The following CACNA1A variants were observed in gnomAD, a reference collection of about 807,000 sequenced individuals.
The protein encoded by CACNA1A is voltage-dependent P/Q-type calcium channel subunit alpha-1A.
Under a neutral mutation model 262.4 loss-of-function variants are expected in CACNA1A, and 57 were observed. The ratio of observed to expected loss-of-function variants is 0.22; its 90% CI spans 0.18 to 0.27. The LOEUF (loss-of-function observed/expected upper bound fraction) is 0.27. Among genes scored for constraint, CACNA1A ranks in the 10% least tolerant of loss-of-function variants. The probability of loss-of-function intolerance (pLI) is 1.00; values close to 1 mark genes in which losing one functional copy is unlikely to be tolerated. For synonymous variants in CACNA1A, 1,431 were observed against 1,419.3 expected (o/e 1.01, Z -0.18); for missense variants, 2,526 against 3,562.8 (o/e 0.71, Z 7.41).
At chr19:13,487,393 G>A (rs1167609181) in intron 1 of CACNA1A, among the ~76,000 whole-genome samples, 2 of 152,082 alleles carry the variant, frequency 1.3e-5, no homozygotes, top group Non-Finnish European at 2.9e-5. Context: ...CCTGGATGGC[G>A]AGAGGTTGTC....
chr19:13,309,281 T>G (rs2057969362), intron 12 of CACNA1A, among the ~76,000 whole-genome samples: 1 of 152,116 alleles, frequency 6.6e-6, no homozygotes. Flanking sequence ...GTGCTGGGAT[T>G]ACAGGCGTGA....
In CACNA1A at chr19:13,277,059, C is replaced by T. The variant is rs183712582; in HGVS notation, c.3882+10G>A. The T allele has an allele frequency of 1.3e-6, 2 of 1,597,116 alleles. No individual in the cohort carries two copies. Among genetic ancestry groups the T allele is most frequent in the African/African-American group, 1.3e-5 (1 of 74,720 alleles). ...ATTACCGTGTGTTCTCACTTATAATCTGCACTCACCTTGATCACCATCTCA... is the reference window on the plus strand; with the variant it reads ...ATTACCGTGTGTTCTCACTTATAATTTGCACTCACCTTGATCACCATCTCA... On this transcript the variant is annotated intron_variant, in intron 23 of 46. Transcript: ENST00000360228.
At chr19:13,473,754 C>A (rs1029363960) in intron 1 of CACNA1A, among the ~76,000 whole-genome samples, 13 of 68,988 alleles carry the variant, frequency 1.9e-4, no homozygotes, top group South Asian at 6.4e-4. Context: ...GGCTCCCCCC[C>A]ACCCCCCTGC....
intron 3 of CACNA1A, among the ~76,000 whole-genome samples, chr19:13,449,024 T>C (rs960554920): frequency 5.3e-5 from 8 of 152,088 alleles, no homozygotes; most frequent in Non-Finnish European, 1.0e-4. Flanking sequence ...TGGAGTGCAG[T>C]GGTGCAATCA....
chr19:13,229,933 C>G, intron 36 of CACNA1A, 149 bp downstream of exon 36: 1 of 875,338 alleles, frequency 1.1e-6, no homozygotes, highest in Non-Finnish European at 1.7e-6. Context: ...GGTGATGATT[C>G]TTATATCTTC....
intron 36 of CACNA1A, among the ~76,000 whole-genome samples, chr19:13,229,407 A>C (rs2055586889): frequency 6.6e-6 from 1 of 152,106 alleles, no homozygotes; most frequent in Admixed American, 6.6e-5. Flanking sequence ...AAAGCCTCTG[A>C]GTGTCCTTCA....
At chr19:13,393,500 C>T (rs1211097764) in intron 3 of CACNA1A, among the ~76,000 whole-genome samples, 1 of 112,564 alleles carries the variant, frequency 8.9e-6, no homozygotes, top group East Asian at 2.8e-4. Context: ...TTTTTCCTTC[C>T]TTCCTTTCCT....
Position 13,460,781 on chromosome 19 carries a change from A to G in CACNA1A, c.294-5569T>C, listed in dbSNP as rs2061107141. ...TTCTCCTGGAATAGTCTTTCCCCAG[A>G]CATCCACATGACTCCCTCCCTCACT... On this transcript the variant is annotated intron_variant, in intron 1 of 46. Coordinates refer to ENST00000360228, the MANE Select transcript of CACNA1A (RefSeq NM_001127222.2). 2.0e-5 allele frequency among the ~76,000 whole-genome samples: 3 copies of G among 152,176 alleles called. No individual in the cohort carries two copies. The South Asian group carries it at 6.2e-4, about 32-fold the overall frequency.
intron 3 of CACNA1A, among the ~76,000 whole-genome samples, chr19:13,390,402 G>A (rs2059690514): frequency 6.6e-6 from 1 of 152,118 alleles, no homozygotes; most frequent in South Asian, 2.1e-4. Flanking sequence ...GTGAGCCACT[G>A]CACCCAGACC....
At chr19:13,441,355 T>A (rs1428815995) in intron 3 of CACNA1A, among the ~76,000 whole-genome samples, 3 of 152,018 alleles carry the variant, frequency 2.0e-5, no homozygotes, top group South Asian at 4.1e-4. Context: ...TTAAAAAAAA[T>A]TATTTTTTGA....
chr19:13,344,094 G>A (rs2058720240), intron 6 of CACNA1A, among the ~76,000 whole-genome samples: 1 of 151,880 alleles, frequency 6.6e-6, no homozygotes. Flanking sequence ...TGCACCAGTA[G>A]TCCCAGCTAC....
chr19:13,275,643 AG>A lies in CACNA1A; in HGVS notation c.3989+206del, dbSNP rs34873095. ...TGTGAGGAGGTAGAAGGTTGGCAGG[AG>A]GGGGGGTCCCTTCTCCTTCTTCCTC... On this transcript the variant is annotated intron_variant, in intron 24 of 46. Coordinates refer to ENST00000360228, the MANE Select transcript of CACNA1A (RefSeq NM_001127222.2). 121,392 of 586,226 alleles carry A rather than the reference AG, an allele frequency of 0.21. 17,149 individuals carry two copies. Among genetic ancestry groups the A allele is most frequent in the East Asian group, 0.58 (19,613 of 34,036 alleles). The allele number at this position is 586,226 out of a possible 1,614,324, so 36.3% of individuals were successfully genotyped here.
intron 3 of CACNA1A, chr19:13,451,488 C>G (rs1345475518): frequency 1.3e-5 from 2 of 152,216 alleles, no homozygotes; most frequent in African/African-American, 4.8e-5. Flanking sequence ...ATACTAATGT[C>G]CCTACTGGAA....
chr19:13,281,312 A>G (rs1448954343), intron 22 of CACNA1A, among the ~76,000 whole-genome samples: 2 of 145,736 alleles, frequency 1.4e-5, no homozygotes, highest in Non-Finnish European at 3.0e-5. Context: ...CGGGACGTTG[A>G]GGCTGCAGTG....
chr19:13,259,312 C>CTTTTT (rs74181818), intron 27 of CACNA1A: 1,791 of 51,826 alleles, frequency 0.035, 455 homozygotes, highest in Non-Finnish European at 0.052. Flanking sequence ...TGCCTGGCAG[C>CTTTTT]TTTTTTTTTT....
intron 3 of CACNA1A, among the ~76,000 whole-genome samples, chr19:13,388,182 T>C (rs141320435): frequency 2.0e-5 from 3 of 151,228 alleles, no homozygotes; most frequent in African/African-American, 4.8e-5. Context: ...TGAGTGATCC[T>C]CTTCAAGTTC....
At chr19:13,351,220 C>T (rs1276619158) in intron 6 of CACNA1A, among the ~76,000 whole-genome samples, 1 of 152,164 alleles carries the variant, frequency 6.6e-6, no homozygotes, top group Non-Finnish European at 1.5e-5. Flanking sequence ...GATTAGTCTC[C>T]ACCTCCTGGG....
At chr19:13,360,024 G>GTTT (rs200920495) in intron 5 of CACNA1A, among the ~76,000 whole-genome samples, 3 of 140,490 alleles carry the variant, frequency 2.1e-5, no homozygotes, top group Non-Finnish European at 1.6e-5. Flanking sequence ...TTTTCCATGA[G>GTTT]TTTTTTTTTT....
chr19:13,478,099 ATG>A (rs756585418), intron 1 of CACNA1A, among the ~76,000 whole-genome samples: 2 of 152,072 alleles, frequency 1.3e-5, no homozygotes, highest in Non-Finnish European at 2.9e-5. Context: ...TGCTGTGCAA[ATG>A]TGTGTGTTGT....
Sources: allele counts gnomAD v4.1 joint callset (sites outside exome capture counted in the v4.1 genomes callset), GRCh38; gene constraint gnomAD v4.1.1; transcripts MANE v1.5; gene names NCBI Gene and HGNC (gene_info 2026-07-23, HGNC 2026-07-21).